Variants in HYDIN observed in about 807,000 individuals in gnomAD.
The protein encoded by HYDIN is axonemal central pair apparatus protein HYDIN.
A neutral mutation model predicts 403.9 loss-of-function variants in HYDIN; 132 were observed. The observed-to-expected ratio is 0.33, with a 90% CI of 0.28 to 0.38. HYDIN has a LOEUF of 0.38. Ranked by LOEUF, HYDIN falls within the 10% of genes least tolerant of loss-of-function variation. The pLI is 1.00. For missense variants in HYDIN, 2,827 were observed against 5,009.5 expected, an observed-to-expected ratio of 0.56 and a Z score of 13.15; for synonymous variants, 1,202 against 1,891.7, an observed-to-expected ratio of 0.64 and a Z score of 9.46.
intron 10 of HYDIN, among the ~76,000 whole-genome samples, chr16:71,094,692 C>T (rs1173241074): frequency 5.9e-5 from 9 of 152,302 alleles, no homozygotes; most frequent in African/African-American, 1.2e-4. Flanking sequence ...AAGGCAACGT[C>T]GTGATAATGC....
At chr16:71,223,629 GAAAA>G (rs34882416) in intron 1 of HYDIN, among the ~76,000 whole-genome samples, 1 of 144,380 alleles carries the variant, frequency 6.9e-6, no homozygotes, top group African/African-American at 2.5e-5. Flanking sequence ...AAATCAGCAA[GAAAA>G]AAAAAAAAAC....
intron 1 of HYDIN, among the ~76,000 whole-genome samples, chr16:71,208,717 G>C (rs1047194078): frequency 1.3e-5 from 2 of 152,038 alleles, no homozygotes; most frequent in African/African-American, 4.8e-5. Context: ...AAATGACAAA[G>C]GGGATATTAC....
intron 10 of HYDIN, among the ~76,000 whole-genome samples, chr16:71,106,164 CCTCCCTCT>C (rs1568161575): frequency 2.2e-5 from 3 of 138,390 alleles, no homozygotes; most frequent in African/African-American, 1.0e-4. Context: ...TCCTTCCCTC[CCTCCCTCT>C]CTCTCTCTCT....
intron 10 of HYDIN, among the ~76,000 whole-genome samples, chr16:71,108,360 T>TATG (rs1156899412): frequency 6.6e-6 from 1 of 151,882 alleles, no homozygotes; most frequent in Admixed American, 6.6e-5. Context: ...AAAGCAAGGA[T>TATG]ATGATGGTCA....
At chr16:71,036,901 T>C (rs2081107098) in intron 18 of HYDIN, among the ~76,000 whole-genome samples, 1 of 152,136 alleles carries the variant, frequency 6.6e-6, no homozygotes, top group Non-Finnish European at 1.5e-5. Flanking sequence ...TATTTCCTGT[T>C]ATTAAATGGA....
chr16:70,943,434 A>T (rs965712308), intron 42 of HYDIN, among the ~76,000 whole-genome samples: 1 of 152,126 alleles, frequency 6.6e-6, no homozygotes, highest in Non-Finnish European at 1.5e-5. Flanking sequence ...TTATGTTTTA[A>T]CCAGTATTTC....
chr16:71,070,310 TTCC>T (rs1398579519), intron 13 of HYDIN, among the ~76,000 whole-genome samples: 4 of 150,606 alleles, frequency 2.7e-5, no homozygotes, highest in Non-Finnish European at 3.0e-5. Context: ...CCTTCCTTCC[TTCC>T]TTTCTTTCTT....
chr16:71,189,803 G>A (rs966319090), intron 1 of HYDIN, among the ~76,000 whole-genome samples: 1 of 150,458 alleles, frequency 6.6e-6, no homozygotes, highest in Non-Finnish European at 1.5e-5. Context: ...TATTTTGACT[G>A]TATTCTCAAT....
chr16:71,030,789 C>T (rs1030597907), intron 19 of HYDIN, among the ~76,000 whole-genome samples: 11 of 152,216 alleles, frequency 7.2e-5, no homozygotes, highest in Non-Finnish European at 1.3e-4. Flanking sequence ...CTATACTGTA[C>T]CACAGCTTAT....
chr16:70,875,605 C>G (rs545584996), intron 62 of HYDIN, among the ~76,000 whole-genome samples: 1 of 152,240 alleles, frequency 6.6e-6, no homozygotes, highest in African/African-American at 2.4e-5. Flanking sequence ...ACACGGGAAG[C>G]TTCTGAGATA....
chr16:71,115,803 A>G lies in HYDIN; in HGVS notation c.1228-8T>C. The G allele has an allele frequency of 1.4e-6, 1 of 717,722 alleles. No homozygotes were observed. The highest frequency in any genetic ancestry group is 1.6e-5 in the South Asian group (1 of 61,000). The allele number at this position is 717,722 out of a possible 1,614,324, so 44.5% of individuals were successfully genotyped here. On this transcript the variant is annotated splice_polypyrimidine_tract_variant and splice_region_variant and intron_variant, in intron 9 of 85. Coordinates refer to ENST00000393567, the MANE Select transcript of HYDIN (RefSeq NM_001270974.2). ...GGGCCAGACATCACCTTCCTGAAAA[A>G]CATGAAAGAATCATTAAAAAACAAT... is the stretch of plus-strand genomic sequence containing the variant.
chr16:70,804,429 C>T lies in HYDIN; in HGVS notation c.*3151G>A, dbSNP rs2035020773. ...ATCCATCTCCCGGAAGAGTTCTGGA[C>T]TGGGGTTTTTAAGGGGATCCTGGAG... On this transcript the variant is annotated 3_prime_UTR_variant, in exon 86 of 86. Transcript: ENST00000393567. Among the ~76,000 whole-genome samples the T allele has an allele frequency of 6.6e-6, 1 of 152,180 alleles. No individual in the cohort carries two copies.
intron 83 of HYDIN, among the ~76,000 whole-genome samples, chr16:70,822,747 C>G (rs1465344585): frequency 2.0e-5 from 3 of 152,194 alleles, no homozygotes; most frequent in Non-Finnish European, 4.4e-5. Context: ...GCAAGACCCT[C>G]CACCAGCATA....
At chr16:70,978,050 A>C (rs2078937436) in intron 30 of HYDIN, among the ~76,000 whole-genome samples, 1 of 151,602 alleles carries the variant, frequency 6.6e-6, no homozygotes, top group Non-Finnish European at 1.5e-5. Context: ...CCGGTTCCCT[A>C]CTGGCTGCTC....
At chr16:71,068,779 T>C (rs1276565651) in intron 14 of HYDIN, among the ~76,000 whole-genome samples, 1 of 152,162 alleles carries the variant, frequency 6.6e-6, no homozygotes, top group Non-Finnish European at 1.5e-5. Flanking sequence ...CCTGCAGAAC[T>C]CAAGATAAGG....
intron 10 of HYDIN, among the ~76,000 whole-genome samples, chr16:71,100,299 G>GAA (rs797004928): frequency 5.3e-5 from 8 of 152,316 alleles, no homozygotes; most frequent in African/African-American, 1.9e-4. Context: ...CAATGTCATC[G>GAA]AGAGTGTCCA....
At chr16:71,064,916 G>C in intron 15 of HYDIN, 76 bp from the exon 16 acceptor site, 1 of 1,537,290 alleles carries the variant, frequency 6.5e-7, no homozygotes, top group Non-Finnish European at 8.8e-7. Flanking sequence ...CCCCAAGCGA[G>C]ATACATTTGT....
chr16:70,825,073 T>C (rs1176159847), intron 83 of HYDIN, among the ~76,000 whole-genome samples: 1 of 152,088 alleles, frequency 6.6e-6, no homozygotes, highest in Non-Finnish European at 1.5e-5. Flanking sequence ...GGTCAGTCAC[T>C]TTGAGTCCTT....
chr16:70,991,185 T>C lies in HYDIN; in HGVS notation c.3864+133A>G, dbSNP rs2079339046. ...TCTGGGGTGTTTGGCTGGGAAGAAA[T>C]GTGGGTAAAGCTGTACGGCTTTGTC... On this transcript the variant is annotated intron_variant, in intron 25 of 85. Transcript: ENST00000393567. The C allele has an allele frequency of 1.4e-5, 16 of 1,138,648 alleles. No individual in the cohort carries two copies. The South Asian group carries it at 2.5e-4, about 18-fold the overall frequency. The allele number at this position is 1,138,648 out of a possible 1,614,324, so 70.5% of individuals were successfully genotyped here.
Sources: allele counts gnomAD v4.1 joint callset (sites outside exome capture counted in the v4.1 genomes callset), GRCh38; gene constraint gnomAD v4.1.1; transcripts MANE v1.5; gene names NCBI Gene and HGNC (gene_info 2026-07-23, HGNC 2026-07-21).